Variants in SLC25A48 observed in about 807,000 individuals in gnomAD.
SLC25A48 encodes solute carrier family 25 member 48, also known as CTC-321K16.1.
SLC25A48 carries 29 observed loss-of-function variants against 32.2 expected under a neutral mutation model. The observed-to-expected ratio is 0.90, with a 90% CI of 0.67 to 1.23. SLC25A48 has a LOEUF of 1.23. SLC25A48 is among the 50% of genes most tolerant of loss of function. The pLI is 0.00. For missense variants in SLC25A48, 399 were observed against 422.7 expected (o/e 0.94, Z 0.49); for synonymous variants, 164 against 172.3 (o/e 0.95, Z 0.38).
chr5:135,885,271 G>T (rs1213691752), intron 7 of SLC25A48, among the ~76,000 whole-genome samples: 1 of 152,052 alleles, frequency 6.6e-6, no homozygotes. Flanking sequence ...CCCATCCAGT[G>T]CCAGGCATAC....
rs376067752 is a variant in SLC25A48 at position 135,587,212 on chromosome 5, T to C, written c.-849+7615T>C. ...CCCTTGGCTAGTTTTTAAATTTTCT[T>C]GTAGAGACGGGGATCTCACTATGTT... On this transcript the variant is annotated intron_variant, in intron 1 of 10. Coordinates refer to the SLC25A48 transcript ENST00000646290. 1.6e-4 allele frequency among the ~76,000 whole-genome samples: 25 copies of C among 152,216 alleles called. 1 individual carries two copies. The East Asian group carries it at 1.9e-3, about 12-fold the overall frequency.
At position 135,865,660 on chromosome 5, in the gene SLC25A48, T is replaced by C. The variant is rs557746217; in HGVS notation, c.422-5801T>C. On this transcript the variant is annotated intron_variant, in intron 4 of 7. Transcript: ENST00000681962. ...GACTCGGGCCATAGTGTATGATTCC[T>C]GTCATCAGGAAACTCACCGCCACAC... 5.3e-5 allele frequency among the ~76,000 whole-genome samples: 8 copies of C among 152,188 alleles called. No individual in the cohort carries two copies. In the South Asian group the frequency reaches 1.7e-3, roughly 32 times the overall value.
chr5:135,885,960 G>T (rs565921059), intron 7 of SLC25A48, among the ~76,000 whole-genome samples: 10 of 152,048 alleles, frequency 6.6e-5, no homozygotes, highest in African/African-American at 2.2e-4. Context: ...ATCGTATATG[G>T]GTAATTATAT....
chr5:135,654,743 C>T (rs954704677), intron 3 of SLC25A48, among the ~76,000 whole-genome samples: 1 of 152,172 alleles, frequency 6.6e-6, no homozygotes, highest in East Asian at 1.9e-4. Context: ...TCTGGGTGGG[C>T]CTTGTCCAAT....
rs72791312 is a variant in SLC25A48 at position 135,770,038 on chromosome 5, A to G, written c.-520-42485A>G. Among the ~76,000 whole-genome samples the G allele has an allele frequency of 1.5e-3, 233 of 151,512 alleles. 1 individual carries two copies. Among genetic ancestry groups the G allele is most frequent in the Admixed American group, 2.8e-3 (42 of 15,154 alleles). Reference sequence around the variant, plus strand: ...GGGAAAGAATGATATTACTCCCAATATTGAAAGGAGTGTACAAACCCCCCA... The same window carrying G: ...GGGAAAGAATGATATTACTCCCAATGTTGAAAGGAGTGTACAAACCCCCCA... On this transcript the variant is annotated intron_variant, in intron 3 of 10. Transcript: ENST00000646290.
At chr5:135,662,396 T>C (rs1471415997) in intron 3 of SLC25A48, among the ~76,000 whole-genome samples, 1 of 152,164 alleles carries the variant, frequency 6.6e-6, no homozygotes, top group East Asian at 1.9e-4. Context: ...CTGCAGCTCA[T>C]GTTGGAAGAA....
intron 3 of SLC25A48, among the ~76,000 whole-genome samples, chr5:135,744,941 C>T (rs1408359319): frequency 6.6e-6 from 1 of 152,080 alleles, no homozygotes; most frequent in African/African-American, 2.4e-5. Context: ...ACTGGGGAAG[C>T]TGAGGCATGA....
chr5:135,711,834 C>T (rs1754672322), intron 3 of SLC25A48, among the ~76,000 whole-genome samples: 1 of 152,108 alleles, frequency 6.6e-6, no homozygotes, highest in Non-Finnish European at 1.5e-5. Flanking sequence ...ATTACCCCAT[C>T]CCTCTTCCTA....
At chr5:135,580,081 A>G (rs1024434374) in intron 1 of SLC25A48, among the ~76,000 whole-genome samples, 2 of 152,172 alleles carry the variant, frequency 1.3e-5, no homozygotes, top group African/African-American at 4.8e-5. Flanking sequence ...TATTACTTTG[A>G]TTCTTACCAA....
intron 7 of SLC25A48, among the ~76,000 whole-genome samples, chr5:135,882,587 GC>G (rs1341606896): frequency 6.6e-6 from 1 of 152,152 alleles, no homozygotes; most frequent in Non-Finnish European, 1.5e-5. Context: ...GTTGCCAGGT[GC>G]CTTCCAACAA....
At chr5:135,703,682 C>T (rs1451682920) in intron 3 of SLC25A48, among the ~76,000 whole-genome samples, 1 of 152,170 alleles carries the variant, frequency 6.6e-6, no homozygotes, top group Non-Finnish European at 1.5e-5. Context: ...TGAGTGCCTC[C>T]TCCTTTGAGG....
chr5:135,658,781 T>C (rs1753316211), intron 3 of SLC25A48, among the ~76,000 whole-genome samples: 1 of 152,204 alleles, frequency 6.6e-6, no homozygotes, highest in Non-Finnish European at 1.5e-5. Flanking sequence ...CAATACTCCA[T>C]AGAAGCTGCC....
At chr5:135,856,643 C>T (rs1024881322) in intron 4 of SLC25A48, among the ~76,000 whole-genome samples, 53 of 152,346 alleles carry the variant, frequency 3.5e-4, no homozygotes, top group African/African-American at 1.0e-3. Context: ...CAAATGGGGC[C>T]ATCAGGGAGA....
chr5:135,582,765 C>T (rs1018749649), intron 1 of SLC25A48, among the ~76,000 whole-genome samples: 26 of 152,208 alleles, frequency 1.7e-4, no homozygotes, highest in African/African-American at 6.0e-4. Context: ...GGTCTTTGTG[C>T]TCACTGGCCC....
chr5:135,888,584 A>G lies in SLC25A48; in HGVS notation c.*560A>G, dbSNP rs546655919. 2 of 153,356 alleles carry G rather than the reference A, an allele frequency of 1.3e-5. No individual in the cohort carries two copies. Among genetic ancestry groups the G allele is most frequent in the East Asian group, 3.8e-4 (2 of 5,220 alleles). The allele number at this position is 153,356 out of a possible 1,614,324, so 9.5% of individuals were successfully genotyped here. On this transcript the variant is annotated 3_prime_UTR_variant, in exon 8 of 8. Coordinates refer to ENST00000681962, the MANE Select transcript of SLC25A48 (RefSeq NM_001349336.2). ...TTATTAGTGTCTGTTGAGTGATTAA[A>G]TCACATCCTCAGGTCTGCAGCAAAT...
At chr5:135,666,142 G>A (rs986268658) in intron 3 of SLC25A48, among the ~76,000 whole-genome samples, 5 of 152,154 alleles carry the variant, frequency 3.3e-5, no homozygotes, top group Non-Finnish European at 5.9e-5. Context: ...AGGACACCAG[G>A]ATCCTGACCA....
intron 3 of SLC25A48, among the ~76,000 whole-genome samples, chr5:135,757,049 A>G (rs7712714): frequency 0.31 from 45,828 of 149,966 alleles, 7,177 homozygotes; most frequent in East Asian, 0.46. Flanking sequence ...TGTATATGAT[A>G]TGATATCTAG....
At chr5:135,823,904 T>A (rs1757956168) in intron 4 of SLC25A48, among the ~76,000 whole-genome samples, 1 of 152,162 alleles carries the variant, frequency 6.6e-6, no homozygotes. Context: ...AGAAGGCCTG[T>A]GTGGCTGGAC....
rs573344323 is a variant in SLC25A48 at position 135,689,040 on chromosome 5, TA to T, written c.-521+54086del. ...GTAACTAAGACTTAGATAGATTAATTAATAAGATCAAGGCTACATAGCTAGT... is the reference window on the plus strand; with the variant it reads ...GTAACTAAGACTTAGATAGATTAATTATAAGATCAAGGCTACATAGCTAGT... On this transcript the variant is annotated intron_variant, in intron 3 of 10. Transcript: ENST00000646290. Among the ~76,000 whole-genome samples the T allele has an allele frequency of 2.1e-3, 317 of 152,298 alleles. 1 individual carries two copies. Among genetic ancestry groups the T allele is most frequent in the African/African-American group, 7.4e-3 (307 of 41,566 alleles).
Sources: allele counts gnomAD v4.1 joint callset (sites outside exome capture counted in the v4.1 genomes callset), GRCh38; gene constraint gnomAD v4.1.1; transcripts MANE v1.5; gene names NCBI Gene and HGNC (gene_info 2026-07-23, HGNC 2026-07-21).